Variants in CLCN5 observed in about 807,000 individuals in gnomAD.
CLCN5 encodes the protein H(+)/Cl(-) exchange transporter 5.
A neutral mutation model predicts 54.0 loss-of-function variants in CLCN5; 17 were observed. That is an observed-to-expected ratio of 0.31 (90% confidence interval 0.22 to 0.47). The LOEUF is 0.47. Ranked by LOEUF, CLCN5 falls within the 20% of genes least tolerant of loss-of-function variation. CLCN5 has a pLI of 1.00. For synonymous variants in CLCN5, 222 were observed against 233.0 expected (o/e 0.95, Z 0.43); for missense variants, 448 against 646.7 (o/e 0.69, Z 3.33).
chrX:49,988,970 G>A (rs1365348320), intron 3 of CLCN5, among the ~76,000 whole-genome samples: 1 of 111,012 alleles, frequency 9.0e-6, no homozygotes, highest in Non-Finnish European at 1.9e-5. Flanking sequence ...ACCTGCCCAT[G>A]CTAGAGAGCC....
intron 3 of CLCN5, among the ~76,000 whole-genome samples, chrX:49,989,514 G>A (rs1929154107): frequency 8.9e-6 from 1 of 112,161 alleles, no homozygotes; most frequent in Non-Finnish European, 1.9e-5. Context: ...TCCAAAAGAT[G>A]TGTCTTCTAT....
intron 6 of CLCN5, 92 bp from the exon 7 acceptor site, chrX:50,075,703 C>T (rs782621528): frequency 3.8e-6 from 3 of 795,374 alleles, no homozygotes; most frequent in Non-Finnish European, 5.8e-6. Flanking sequence ...CCTTTCCCCT[C>T]ATTTTCTCTG....
intron 5 of CLCN5, among the ~76,000 whole-genome samples, chrX:50,070,247 G>A (rs1020539950): frequency 1.8e-5 from 2 of 112,149 alleles, no homozygotes; most frequent in African/African-American, 3.2e-5. Flanking sequence ...TGTGCACAAC[G>A]TGCAGGTTTG....
At chrX:50,011,356 T>C (rs1930491883) in intron 3 of CLCN5, among the ~76,000 whole-genome samples, 1 of 112,507 alleles carries the variant, frequency 8.9e-6, no homozygotes, top group African/African-American at 3.2e-5. Context: ...CCCTACATTC[T>C]GGTAGGGACT....
intron 3 of CLCN5, among the ~76,000 whole-genome samples, chrX:50,017,891 T>G (rs1282443560): frequency 3.6e-5 from 4 of 111,857 alleles, no homozygotes; most frequent in African/African-American, 1.3e-4. Flanking sequence ...ATAGTAAGCC[T>G]TGAAGTTGGA....
rs781940376 is a variant in CLCN5, at chrX:49,935,049, A to G, written c.16+9735A>G. On this transcript the variant is annotated intron_variant, in intron 3 of 14. Transcript: ENST00000376091. ...AGAGTTCCTGCCATCCAAATTCTCAACTCTGTCAAGCTATTCTTTTCCTTG... is the reference window on the plus strand; with the variant it reads ...AGAGTTCCTGCCATCCAAATTCTCAGCTCTGTCAAGCTATTCTTTTCCTTG... Among the ~76,000 whole-genome samples, 3 of 111,335 alleles carry G rather than the reference A, an allele frequency of 2.7e-5. No individual in the cohort carries two copies. The South Asian group carries it at 1.1e-3, about 42-fold the overall frequency.
chrX:49,998,492 A>G (rs1443827858), intron 3 of CLCN5, among the ~76,000 whole-genome samples: 1 of 111,969 alleles, frequency 8.9e-6, no homozygotes, highest in African/African-American at 3.2e-5. Context: ...AAATGTGCAG[A>G]TAAACAAGCC....
chrX:49,964,991 A>G (rs2147311432), intron 3 of CLCN5, among the ~76,000 whole-genome samples: 1 of 111,729 alleles, frequency 9.0e-6, no homozygotes, highest in African/African-American at 3.2e-5. Flanking sequence ...AGTATGTACA[A>G]TGACTGAAAA....
At chrX:50,074,979 A>G (rs1933350550) in intron 6 of CLCN5, among the ~76,000 whole-genome samples, 1 of 112,085 alleles carries the variant, frequency 8.9e-6, no homozygotes, top group African/African-American at 3.2e-5. Flanking sequence ...TCTTAACCCT[A>G]TCAGTCTATT....
At chrX:49,927,963 C>G (rs1008394182) in intron 3 of CLCN5, among the ~76,000 whole-genome samples, 4 of 111,609 alleles carry the variant, frequency 3.6e-5, no homozygotes, top group Non-Finnish European at 3.8e-5. Flanking sequence ...ATGTGGATCT[C>G]ATGAAGGTAG....
chrX:49,962,783 C>T (rs910045551), intron 3 of CLCN5, among the ~76,000 whole-genome samples: 2 of 111,760 alleles, frequency 1.8e-5, no homozygotes, highest in South Asian at 3.8e-4. Context: ...AAGCCTGGCC[C>T]GGTCCCATCT....
intron 3 of CLCN5, among the ~76,000 whole-genome samples, chrX:49,987,841 C>A (rs1929056116): frequency 9.0e-6 from 1 of 111,687 alleles, no homozygotes; most frequent in South Asian, 3.8e-4. Flanking sequence ...AACCATGGTC[C>A]TGTGCAAGCG....
At chrX:49,970,583 A>T (rs1928158146) in intron 3 of CLCN5, among the ~76,000 whole-genome samples, 1 of 111,745 alleles carries the variant, frequency 8.9e-6, no homozygotes, top group South Asian at 3.7e-4. Context: ...ACAGTACTTC[A>T]TTACTTCATT....
chrX:50,053,120 TA>T (rs1406008457), intron 4 of CLCN5, among the ~76,000 whole-genome samples: 2 of 111,695 alleles, frequency 1.8e-5, no homozygotes, highest in Non-Finnish European at 3.8e-5. Context: ...TCTTACAAAA[TA>T]TGTGTAAACT....
chrX:49,975,019 A>G (rs1467006697), intron 3 of CLCN5, among the ~76,000 whole-genome samples: 3 of 112,327 alleles, frequency 2.7e-5, no homozygotes, highest in African/African-American at 6.5e-5. Context: ...CAAGATAGCC[A>G]TGGTCACTAC....
chrX:50,092,131 G>C lies in CLCN5; in HGVS notation c.2363G>C (p.Arg788Pro). ...TTTGTATTGTGTTTGTCTTTTAGGC[G>C]ATTGCTTGGAATCATTACCAAAAAG... ...LRQCLVTHNG[R>P]LLGIITKKDV... The change falls in exon 15 of 15, where the codon CGA becomes CCA. Residue 788 changes from arginine to proline, a missense_variant and splice_region_variant. Arg to Pro is a moderately radical substitution (Grantham distance 103, BLOSUM62 -2). Transcript: ENST00000376091. 8.4e-7 allele frequency: 1 copy of C among 1,194,378 alleles called. No individual in the cohort carries two copies. The highest frequency in any genetic ancestry group is 1.1e-6 in the Non-Finnish European group (1 of 879,958).
chrX:50,084,081 G>A (rs1022865964), intron 9 of CLCN5, among the ~76,000 whole-genome samples: 5 of 111,866 alleles, frequency 4.5e-5, no homozygotes, highest in Admixed American at 3.8e-4. Context: ...AGGAGATTTC[G>A]TCACTGTGCA....
chrX:50,031,497 A>G (rs1369426650), intron 3 of CLCN5, among the ~76,000 whole-genome samples: 1 of 110,766 alleles, frequency 9.0e-6, no homozygotes, highest in African/African-American at 3.3e-5. Flanking sequence ...GGTCAAAACT[A>G]TTTTCATATT....
chrX:49,965,269 A>G (rs782471512), intron 3 of CLCN5, among the ~76,000 whole-genome samples: 3 of 111,661 alleles, frequency 2.7e-5, no homozygotes, highest in Admixed American at 1.9e-4. Flanking sequence ...ATTATATACA[A>G]TATACCAAGA....
Sources: gnomAD v4.1 joint callset for allele counts (sites outside exome capture counted in the v4.1 genomes callset) on GRCh38, gnomAD v4.1.1 for gene constraint, MANE v1.5 for transcripts, NCBI Gene and HGNC (gene_info 2026-07-23, HGNC 2026-07-21) for gene names.